The following PAX7 variants were observed in gnomAD, a reference collection of about 807,000 sequenced individuals.
PAX7 encodes the protein paired box 7.
PAX7 carries 18 observed loss-of-function variants against 50.7 expected under a neutral mutation model. That is an observed-to-expected ratio of 0.36 (90% confidence interval 0.25 to 0.53). The LOEUF is 0.53. Among genes scored for constraint, PAX7 ranks in the 20% least tolerant of loss-of-function variants. The probability of loss-of-function intolerance (pLI) is 0.93; values close to 1 mark genes in which losing one functional copy is unlikely to be tolerated. For synonymous variants in PAX7, 310 were observed against 290.4 expected, an observed-to-expected ratio of 1.07 and a Z score of -0.69; for missense variants, 644 against 702.9, an observed-to-expected ratio of 0.92 and a Z score of 0.95.
At chr1:18,723,672 A>C (rs1180453785) in intron 7 of PAX7, among the ~76,000 whole-genome samples, 2 of 152,262 alleles carry the variant, frequency 1.3e-5, no homozygotes, top group East Asian at 3.8e-4. Flanking sequence ...TAAGATGCAC[A>C]GGGAGAGAAG....
At chr1:18,693,709 G>T (rs1025278766) in intron 5 of PAX7, among the ~76,000 whole-genome samples, 15 of 152,182 alleles carry the variant, frequency 9.9e-5, no homozygotes, top group Non-Finnish European at 7.3e-5. Context: ...GGTGATATCC[G>T]AGCTGGCTCC....
chr1:18,736,921 C>T (rs1158877797), intron 8 of PAX7, among the ~76,000 whole-genome samples: 1 of 152,240 alleles, frequency 6.6e-6, no homozygotes, highest in East Asian at 1.9e-4. Flanking sequence ...CTGGACAGCT[C>T]AGTGGGAGAC....
intron 7 of PAX7, among the ~76,000 whole-genome samples, chr1:18,716,406 T>C (rs1311372360): frequency 6.6e-6 from 1 of 151,960 alleles, no homozygotes; most frequent in Non-Finnish European, 1.5e-5. Flanking sequence ...CCTTTCACTT[T>C]CTCCTCCAGC....
rs560801465 is a variant in PAX7, at chr1:18,695,655, G to A, written c.786+3702G>A. Among the ~76,000 whole-genome samples the A allele has an allele frequency of 2.0e-5, 3 of 152,300 alleles. No homozygotes were observed. The East Asian group carries it at 5.8e-4, about 29-fold the overall frequency. On this transcript the variant is annotated intron_variant, in intron 5 of 8. Coordinates refer to ENST00000420770, the MANE Select transcript of PAX7 (RefSeq NM_001135254.2). ...TGAAGGGCAGCCAAGGGGGTGTCAG[G>A]CAGGAGAACCCATGCCTGGGGACCC...
chr1:18,703,755 G>C (rs543907978), intron 7 of PAX7, among the ~76,000 whole-genome samples: 1 of 152,136 alleles, frequency 6.6e-6, no homozygotes, highest in African/African-American at 2.4e-5. Context: ...GGAACTGATG[G>C]GCTCATTTTT....
chr1:18,639,395 A>ATTTTTTT lies in PAX7; in HGVS notation c.586+3029_586+3035dup, dbSNP rs3079731. On this transcript the variant is annotated intron_variant, in intron 4 of 8. Coordinates refer to ENST00000420770, the MANE Select transcript of PAX7 (RefSeq NM_001135254.2). ...GGCTGATATTCATGAGGCTGTTCAT[A>ATTTTTTT]TTTTTTTTTTTGCTCTTATCCTTGT... 6.8e-3 allele frequency among the ~76,000 whole-genome samples: 1,020 copies of ATTTTTTT among 149,294 alleles called. 12 individuals carry two copies. Among genetic ancestry groups the ATTTTTTT allele is most frequent in the African/African-American group, 0.022 (910 of 40,678 alleles).
chr1:18,665,720 G>T (rs2088659473), intron 4 of PAX7, among the ~76,000 whole-genome samples: 1 of 146,638 alleles, frequency 6.8e-6, no homozygotes, highest in African/African-American at 2.6e-5. Context: ...GCCCAGGCTG[G>T]AGTACATGGC....
At chr1:18,668,546 TA>T (rs990284145) in intron 4 of PAX7, among the ~76,000 whole-genome samples, 2 of 151,686 alleles carry the variant, frequency 1.3e-5, no homozygotes, top group African/African-American at 4.8e-5. Flanking sequence ...ACAAAAAATT[TA>T]AAAAAAATTA....
intron 4 of PAX7, among the ~76,000 whole-genome samples, chr1:18,678,571 G>C (rs1331415813): frequency 6.6e-6 from 1 of 152,132 alleles, no homozygotes; most frequent in Admixed American, 6.5e-5. Context: ...AGTTTGATGG[G>C]GAGATGGACT....
At chr1:18,654,743 C>T (rs2088487071) in intron 4 of PAX7, among the ~76,000 whole-genome samples, 1 of 152,252 alleles carries the variant, frequency 6.6e-6, no homozygotes, top group South Asian at 2.1e-4. Context: ...TTACCATGAG[C>T]TAGACACAGC....
At chr1:18,667,625 T>C (rs1201051828) in intron 4 of PAX7, among the ~76,000 whole-genome samples, 1 of 152,064 alleles carries the variant, frequency 6.6e-6, no homozygotes, top group Non-Finnish European at 1.5e-5. Context: ...AACCTGTTAG[T>C]ATCTACAAGT....
At chr1:18,697,011 A>C (rs2089157993) in intron 5 of PAX7, among the ~76,000 whole-genome samples, 1 of 152,144 alleles carries the variant, frequency 6.6e-6, no homozygotes. Context: ...GATCCCCTCT[A>C]TCCTATAAAT....
chr1:18,706,101 C>T (rs1312940843), intron 7 of PAX7, among the ~76,000 whole-genome samples: 2 of 152,152 alleles, frequency 1.3e-5, no homozygotes, highest in Non-Finnish European at 1.5e-5. Context: ...CAAAAGCTCC[C>T]GGGGTTGCTA....
intron 4 of PAX7, among the ~76,000 whole-genome samples, chr1:18,647,835 C>T (rs990812060): frequency 6.6e-6 from 1 of 151,936 alleles, no homozygotes; most frequent in African/African-American, 2.4e-5. Context: ...CAAATGTGGG[C>T]GCAGGTGGGG....
chr1:18,712,312 TC>T (rs140630764), intron 7 of PAX7, among the ~76,000 whole-genome samples: 3 of 151,888 alleles, frequency 2.0e-5, no homozygotes, highest in Non-Finnish European at 4.4e-5. Context: ...CTCAGTTATT[TC>T]CCCCCGGCAG....
intron 8 of PAX7, among the ~76,000 whole-genome samples, chr1:18,741,444 C>G (rs955627902): frequency 7.1e-6 from 1 of 140,654 alleles, no homozygotes; most frequent in Non-Finnish European, 1.5e-5. Flanking sequence ...AGTGAGACTC[C>G]GTCTCAAAAA....
At chr1:18,656,849 G>A (rs751054352) in intron 4 of PAX7, among the ~76,000 whole-genome samples, 1 of 151,516 alleles carries the variant, frequency 6.6e-6, no homozygotes, top group Admixed American at 6.6e-5. Flanking sequence ...AAAATTAGCC[G>A]GGCATGGTGG....
chr1:18,695,208 T>TAAA (rs34926391), intron 5 of PAX7, among the ~76,000 whole-genome samples: 2,609 of 143,350 alleles, frequency 0.018, 38 homozygotes, highest in Admixed American at 0.035. Context: ...TGATTACATG[T>TAAA]AAAAAAAAAA....
chr1:18,739,754 C>T (rs984911085), intron 8 of PAX7, among the ~76,000 whole-genome samples: 10 of 152,214 alleles, frequency 6.6e-5, no homozygotes, highest in Non-Finnish European at 1.5e-4. Context: ...GACACCTTCA[C>T]TCCTTTTCCT....
Sources: allele counts gnomAD v4.1 joint callset (sites outside exome capture counted in the v4.1 genomes callset), GRCh38; gene constraint gnomAD v4.1.1; transcripts MANE v1.5; gene names NCBI Gene and HGNC (gene_info 2026-07-23, HGNC 2026-07-21).